Variants in RIOK2 observed in about 807,000 individuals in gnomAD.
The protein encoded by RIOK2 is serine/threonine-protein kinase RIO2.
Under a neutral mutation model 62.4 loss-of-function variants are expected in RIOK2, and 46 were observed. That is an observed-to-expected ratio of 0.74 (90% CI 0.58 to 0.94). The LOEUF (loss-of-function observed/expected upper bound fraction) is 0.94. Ranked by LOEUF, RIOK2 falls within the 40% of genes least tolerant of loss-of-function variation. The pLI, the probability that RIOK2 is intolerant of heterozygous loss-of-function variation, is 0.00. For missense variants in RIOK2, 574 were observed against 658.0 expected, an observed-to-expected ratio of 0.87 and a Z score of 1.40; for synonymous variants, 197 against 216.0, an observed-to-expected ratio of 0.91 and a Z score of 0.77.
chr5:97,183,121 CT>C lies in RIOK2; in HGVS notation c.66+4del. 1 of 1,613,884 alleles carries C rather than the reference CT, an allele frequency of 6.2e-7. No homozygotes were observed. Among genetic ancestry groups the C allele is most frequent in the East Asian group, 2.2e-5 (1 of 44,862 alleles). ...AAGGGAGAACAGGAACGGCGGGTTTCTTACCGCGGTCAAGACCCTGAAGTCA... is the reference window on the plus strand; with the variant it reads ...AAGGGAGAACAGGAACGGCGGGTTTCTACCGCGGTCAAGACCCTGAAGTCA... On this transcript the variant is annotated splice_donor_region_variant and intron_variant, in intron 1 of 9. Coordinates refer to ENST00000283109, the MANE Select transcript of RIOK2 (RefSeq NM_018343.3).
intron 2 of RIOK2, 112 bp downstream of exon 2, chr5:97,178,943 T>C: frequency 1.6e-6 from 2 of 1,213,758 alleles, no homozygotes; most frequent in Non-Finnish European, 2.4e-6. Context: ...CTGTCAGTTC[T>C]TCGTCTAATG....
At chr5:97,170,279 T>A (rs768899086) in intron 6 of RIOK2, among the ~76,000 whole-genome samples, 6 of 152,218 alleles carry the variant, frequency 3.9e-5, no homozygotes, top group Non-Finnish European at 5.9e-5. Context: ...ATGACTTGGC[T>A]GGCTTGGTTT....
intron 1 of RIOK2, 21 bp downstream of exon 1, chr5:97,183,105 C>A (rs1242870684): frequency 3.7e-6 from 6 of 1,613,862 alleles, no homozygotes; most frequent in East Asian, 2.2e-5. Flanking sequence ...GAAGGGAGAA[C>A]AGGAACGGCG....
chr5:97,176,489 C>T (rs1749165538), intron 4 of RIOK2, among the ~76,000 whole-genome samples: 1 of 152,096 alleles, frequency 6.6e-6, no homozygotes, highest in Admixed American at 6.5e-5. Flanking sequence ...TTACAGGTGG[C>T]CACCACCATC....
chr5:97,172,651 C>A (rs796345808), intron 5 of RIOK2, among the ~76,000 whole-genome samples: 2 of 152,286 alleles, frequency 1.3e-5, no homozygotes, highest in African/African-American at 4.8e-5. Context: ...TTGATGAGAT[C>A]ACATCTCTTC....
At chr5:97,174,185 G>A (rs971950330) in intron 4 of RIOK2, among the ~76,000 whole-genome samples, 17 of 152,276 alleles carry the variant, frequency 1.1e-4, no homozygotes, top group African/African-American at 3.1e-4. Context: ...TTGGGAGGCC[G>A]AGGCGGGTGG....
chr5:97,171,508 A>AT, intron 5 of RIOK2, 111 bp from the exon 6 acceptor site: 2 of 631,230 alleles, frequency 3.2e-6, no homozygotes, highest in Non-Finnish European at 4.7e-6. Context: ...TATCCCCAGC[A>AT]GCTTTCTTCT....
chr5:97,174,722 A>G (rs1580273728), intron 4 of RIOK2, among the ~76,000 whole-genome samples: 1 of 152,124 alleles, frequency 6.6e-6, no homozygotes, highest in African/African-American at 2.4e-5. Flanking sequence ...AACCTCCTCC[A>G]TCAACTATTC....
intron 6 of RIOK2, among the ~76,000 whole-genome samples, chr5:97,170,402 A>G (rs543327338): frequency 6.6e-6 from 1 of 152,322 alleles, no homozygotes; most frequent in East Asian, 1.9e-4. Flanking sequence ...AAGTGACAAG[A>G]GGTAATTATC....
chr5:97,163,076 G>A lies in RIOK2; in HGVS notation c.1644C>T (p.Ser548=), dbSNP rs1748745098. Residue 548 remains serine (S), a synonymous_variant, in exon 10 of 10, where the codon AGC becomes AGT. Coordinates refer to ENST00000283109, the MANE Select transcript of RIOK2 (RefSeq NM_018343.3). ...CCTAAATATATTATTCTCCCCAAAA[G>A]CTGGCTGCTTCCAAACTTGATTTGA... is the stretch of plus-strand genomic sequence containing the variant. ...QNIKSSLEAA[S]FWGE 8 of 1,611,822 alleles carry A rather than the reference G, an allele frequency of 5.0e-6. No homozygotes were observed. Among genetic ancestry groups the A allele is most frequent in the Non-Finnish European group, 5.1e-6 (6 of 1,178,820 alleles).
chr5:97,171,957 C>T (rs1749021310), intron 5 of RIOK2, among the ~76,000 whole-genome samples: 1 of 152,154 alleles, frequency 6.6e-6, no homozygotes, highest in Non-Finnish European at 1.5e-5. Flanking sequence ...TCTTAGTCCT[C>T]ATCATATGTG....
In RIOK2 at chr5:97,171,203, T is replaced by C. The variant is rs1561517890; in HGVS notation, c.779+3A>G. ...TAAAAATAAAAAAATAGCAAGTACGTACCACTCAGCATTGGGATGAGAAGT... is the reference window on the plus strand; with the variant it reads ...TAAAAATAAAAAAATAGCAAGTACGCACCACTCAGCATTGGGATGAGAAGT... On this transcript the variant is annotated splice_donor_region_variant and intron_variant, in intron 6 of 9. Transcript: ENST00000283109. 6.7e-7 allele frequency: 1 copy of C among 1,486,452 alleles called. No homozygotes were observed. Among genetic ancestry groups the C allele is most frequent in the South Asian group, 1.5e-5 (1 of 67,878 alleles). 92.1% of individuals were successfully genotyped at this position (1,486,452 alleles called of 1,614,324 possible). A position where few individuals can be genotyped will look rare whatever the true frequency, so the allele number is the denominator to read the frequency against.
chr5:97,164,522 A>AAAAAAC (rs987659587), intron 9 of RIOK2, among the ~76,000 whole-genome samples: 1 of 151,894 alleles, frequency 6.6e-6, no homozygotes, highest in Admixed American at 6.6e-5. Flanking sequence ...CATCTCAAAA[A>AAAAAAC]AAAAACAAAA....
intron 7 of RIOK2, 71 bp downstream of exon 7, chr5:97,168,689 G>A (rs888134886): frequency 2.1e-6 from 2 of 971,102 alleles, no homozygotes; most frequent in Non-Finnish European, 3.0e-6. Context: ...AGATGAAAAT[G>A]TTAATTTTTA....
At chr5:97,180,146 A>G (rs71580790) in intron 1 of RIOK2, among the ~76,000 whole-genome samples, 5,317 of 32,920 alleles carry the variant, frequency 0.16, 297 homozygotes, top group East Asian at 0.45. Context: ...ATATATGTAT[A>G]TATATATATA....
At chr5:97,163,628 T>C (rs79034283) in intron 9 of RIOK2, among the ~76,000 whole-genome samples, 1,896 of 152,302 alleles carry the variant, frequency 0.012, 38 homozygotes, top group African/African-American at 0.042. Context: ...AGCTGTAGAA[T>C]TGACCTGATG....
At chr5:97,180,394 A>G (rs961364836) in intron 1 of RIOK2, among the ~76,000 whole-genome samples, 1 of 151,900 alleles carries the variant, frequency 6.6e-6, no homozygotes, top group Non-Finnish European at 1.5e-5. Context: ...AGTGAAAGAA[A>G]AAGATTTGAA....
chr5:97,163,120 T>G lies in RIOK2; in HGVS notation c.1600A>C (p.Arg534=), dbSNP rs1351525735. ...GEANIFTKQR[R]ENMQNIKSSL... is the part of the protein sequence containing the mutation. ...GATTTGATATTTTGCATGTTTTCCC[T>G]ACGTTGCTTGGTAAATATATTTGCT... Residue 534 remains arginine, a synonymous_variant, in exon 10 of 10, where the codon AGG becomes CGG. Coordinates refer to ENST00000283109, the MANE Select transcript of RIOK2 (RefSeq NM_018343.3). 5 of 1,613,560 alleles carry G rather than the reference T, an allele frequency of 3.1e-6. No homozygotes were observed. In the East Asian group the frequency reaches 1.1e-4, roughly 36 times the overall value.
intron 2 of RIOK2, among the ~76,000 whole-genome samples, chr5:97,178,190 AAAGT>A (rs1412392702): frequency 6.6e-6 from 1 of 152,224 alleles, no homozygotes; most frequent in East Asian, 1.9e-4. Context: ...GTATTTTATA[AAAGT>A]AAGGATCTGT....
Sources: gnomAD v4.1 joint callset for allele counts (sites outside exome capture counted in the v4.1 genomes callset) on GRCh38, gnomAD v4.1.1 for gene constraint, MANE v1.5 for transcripts, NCBI Gene and HGNC (gene_info 2026-07-23, HGNC 2026-07-21) for gene names.